Variants in KLF15 observed in about 807,000 individuals in gnomAD.
The protein encoded by KLF15 is Krueppel-like factor 15.
KLF15 carries 4 observed loss-of-function variants against 24.6 expected under a neutral mutation model. The observed-to-expected ratio is 0.16, with a 90% CI of 0.08 to 0.37. KLF15 has a LOEUF of 0.37. Ranked by LOEUF, KLF15 falls within the 10% of genes least tolerant of loss-of-function variation. The probability of loss-of-function intolerance (pLI) is 1.00; values close to 1 mark genes in which losing one functional copy is unlikely to be tolerated. For synonymous variants in KLF15, 246 were observed against 236.3 expected (o/e 1.04, Z -0.37); for missense variants, 496 against 560.6 (o/e 0.88, Z 1.16).
chr3:126,314,668 G>A, the KLF15 span, among the ~76,000 whole-genome samples: 2 of 152,214 alleles, frequency 1.3e-5, no homozygotes, highest in African/African-American at 4.8e-5. Context: ...ACACAGCACA[G>A]CTCAGCAAAC....
At chr3:126,327,522 T>C in the KLF15 span, among the ~76,000 whole-genome samples, 1 of 151,668 alleles carries the variant, frequency 6.6e-6, no homozygotes. Flanking sequence ...AGGAGCAGGG[T>C]CAAACTCCAG....
chr3:126,313,538 C>A, the KLF15 span, among the ~76,000 whole-genome samples: 4 of 152,148 alleles, frequency 2.6e-5, no homozygotes, highest in African/African-American at 9.7e-5. Context: ...CAACCTGTAA[C>A]CTAGTGTTTC....
the KLF15 span, among the ~76,000 whole-genome samples, chr3:126,322,414 G>A: frequency 6.6e-6 from 1 of 152,126 alleles, no homozygotes; most frequent in Non-Finnish European, 1.5e-5. Context: ...CATCCTCAGA[G>A]CCACAGCTTG....
At chr3:126,301,892 G>C in the KLF15 span, among the ~76,000 whole-genome samples, 1 of 151,944 alleles carries the variant, frequency 6.6e-6, no homozygotes, top group Non-Finnish European at 1.5e-5. Context: ...TGGGATTACA[G>C]GAGTGAGCCA....
At chr3:126,291,806 A>T in the KLF15 span, among the ~76,000 whole-genome samples, 1 of 147,976 alleles carries the variant, frequency 6.8e-6, no homozygotes, top group South Asian at 2.5e-4. Flanking sequence ...TGGATCTGGC[A>T]GCACCAGGAG....
the KLF15 span, among the ~76,000 whole-genome samples, chr3:126,305,824 G>C: frequency 1.8e-4 from 27 of 152,246 alleles, no homozygotes; most frequent in African/African-American, 5.8e-4. Flanking sequence ...TTTCAGGGTG[G>C]GGTCTGGAAG....
chr3:126,343,517 G>T lies in KLF15; in HGVS notation c.*210C>A. ...CTGCCTCCAGCCCCGTGCGCCTGGG[G>T]CCCAGCCCCCAGGGACGCGGGTTCG... is the stretch of plus-strand genomic sequence containing the variant. On this transcript the variant is annotated 3_prime_UTR_variant, in exon 3 of 3. Coordinates refer to ENST00000296233, the MANE Select transcript of KLF15 (RefSeq NM_014079.4). 3.7e-6 allele frequency: 2 copies of T among 535,584 alleles called. No individual in the cohort carries two copies. Among genetic ancestry groups the T allele is most frequent in the Non-Finnish European group, 6.4e-6 (2 of 310,306 alleles). 33.2% of individuals were successfully genotyped at this position (535,584 alleles called of 1,614,324 possible).
At chr3:126,319,326 C>T in the KLF15 span, among the ~76,000 whole-genome samples, 1 of 152,192 alleles carries the variant, frequency 6.6e-6, no homozygotes, top group Non-Finnish European at 1.5e-5. Flanking sequence ...ATTGCTGGAT[C>T]ATATAAGAAT....
At chr3:126,297,311 CT>C in the KLF15 span, among the ~76,000 whole-genome samples, 1 of 151,988 alleles carries the variant, frequency 6.6e-6, no homozygotes, top group African/African-American at 2.4e-5. Context: ...ATGTATCTAA[CT>C]TTTACTCCAA....
the KLF15 span, among the ~76,000 whole-genome samples, chr3:126,306,510 T>G: frequency 4.6e-5 from 7 of 152,242 alleles, no homozygotes; most frequent in Non-Finnish European, 7.3e-5. Context: ...TCCGTGGGTC[T>G]GTGGTCTCAG....
the KLF15 span, among the ~76,000 whole-genome samples, chr3:126,320,352 T>C: frequency 2.6e-5 from 4 of 152,224 alleles, no homozygotes; most frequent in Non-Finnish European, 4.4e-5. Flanking sequence ...CCCAACAAAA[T>C]GTAGCCATGA....
chr3:126,330,774 T>C, the KLF15 span, among the ~76,000 whole-genome samples: 1 of 152,222 alleles, frequency 6.6e-6, no homozygotes, highest in South Asian at 2.1e-4. Flanking sequence ...TTAACCTACC[T>C]GGAGTGAATT....
the KLF15 span, among the ~76,000 whole-genome samples, chr3:126,300,258 G>A: frequency 3.9e-5 from 6 of 152,198 alleles, no homozygotes; most frequent in Non-Finnish European, 8.8e-5. Flanking sequence ...CCCCTGAGCG[G>A]CTTCCTTTCC....
At chr3:126,316,825 C>T in the KLF15 span, among the ~76,000 whole-genome samples, 1 of 152,088 alleles carries the variant, frequency 6.6e-6, no homozygotes, top group Non-Finnish European at 1.5e-5. Flanking sequence ...CCTCAGAGCC[C>T]GTGGCTGGCA....
intron 2 of KLF15, among the ~76,000 whole-genome samples, chr3:126,347,605 G>A (rs913076248): frequency 3.9e-5 from 6 of 152,222 alleles, no homozygotes; most frequent in Middle Eastern, 3.2e-3. Flanking sequence ...GGAACAGGAC[G>A]TTCTGCTGCA....
chr3:126,349,188 C>T (rs1291465138), intron 2 of KLF15, among the ~76,000 whole-genome samples: 1 of 152,140 alleles, frequency 6.6e-6, no homozygotes, highest in Non-Finnish European at 1.5e-5. Context: ...TGAGGACTCC[C>T]CGCATCCTCA....
At chr3:126,346,041 C>T (rs2082533460) in intron 2 of KLF15, among the ~76,000 whole-genome samples, 1 of 152,214 alleles carries the variant, frequency 6.6e-6, no homozygotes, top group Non-Finnish European at 1.5e-5. Context: ...GGCAGATGAC[C>T]TGGACTCCCA....
the KLF15 span, among the ~76,000 whole-genome samples, chr3:126,312,427 G>A: frequency 3.0e-4 from 46 of 152,144 alleles, no homozygotes; most frequent in African/African-American, 8.0e-4. Flanking sequence ...CTCCCACCTT[G>A]GTCATCCAAA....
At position 126,352,125 on chromosome 3, in the gene KLF15, C is replaced by G; in HGVS notation, c.798G>C (p.Val266=). Residue 266 remains valine, a synonymous_variant, in exon 2 of 3, where the codon GTG becomes GTC. Coordinates refer to ENST00000296233, the MANE Select transcript of KLF15 (RefSeq NM_014079.4). ...GCAGGTTCAAGTTGGAGGAGGGTAC[C>G]ACCTGGGGCACGAGTGCGAAGGTCT... ...QGQTFALVPQ[V]VPSSNLNLPS... The G allele has an allele frequency of 6.4e-7, 1 of 1,560,012 alleles. No homozygotes were observed. The highest frequency in any genetic ancestry group is 1.2e-5 in the South Asian group (1 of 84,430).
Sources: gnomAD v4.1 joint callset for allele counts (sites outside exome capture counted in the v4.1 genomes callset) on GRCh38, gnomAD v4.1.1 for gene constraint, MANE v1.5 for transcripts, NCBI Gene and HGNC (gene_info 2026-07-23, HGNC 2026-07-21) for gene names.